Variants in TBC1D21 observed in about 807,000 individuals in gnomAD.
TBC1D21 encodes the protein TBC1 domain family member 21.
In TBC1D21, 38 loss-of-function variants were observed where a neutral mutation model predicts 46.0. The ratio of observed to expected loss-of-function variants is 0.83; its 90% CI spans 0.64 to 1.08. The LOEUF (loss-of-function observed/expected upper bound fraction) is 1.08. Ranked by LOEUF, TBC1D21 falls within the 50% of genes least tolerant of loss-of-function variation. TBC1D21 has a pLI of 0.00. For missense variants in TBC1D21, 415 were observed against 417.9 expected (o/e 0.99, Z 0.06); for synonymous variants, 151 against 157.2 (o/e 0.96, Z 0.29).
the TBC1D21 span, among the ~76,000 whole-genome samples, chr15:73,898,888 T>A: frequency 0.012 from 1,046 of 89,234 alleles, 12 homozygotes; most frequent in East Asian, 0.038. Flanking sequence ...AAAATATATA[T>A]ATATATATAT....
At chr15:73,894,737 C>A in the TBC1D21 span, among the ~76,000 whole-genome samples, 1 of 152,158 alleles carries the variant, frequency 6.6e-6, no homozygotes, top group Admixed American at 6.5e-5. Context: ...TCTTTCCTAT[C>A]CCTGCCCCTG....
At position 73,888,456 on chromosome 15, in the gene TBC1D21, T is replaced by A; in HGVS notation, c.921T>A (p.Asp307Glu). The stretch of plus-strand genomic sequence containing the variant: ...CCTGCAACAACCTCATCGACCTTGA[T>A]GCTGATGAGCTGATCTCTGCCGCCT... ...LLACNNLIDL[D>E]ADELISAACV... Residue 307 changes from aspartate (D) to glutamate (E), a missense_variant, in exon 10 of 11, where the codon GAT becomes GAA. Asp to Glu is a conservative substitution (Grantham distance 45). Transcript: ENST00000300504. The A allele has an allele frequency of 6.2e-7, 1 of 1,614,024 alleles. No homozygotes were observed. Among genetic ancestry groups the A allele is most frequent in the South Asian group, 1.1e-5 (1 of 90,980 alleles).
At position 73,884,250 on chromosome 15, in the gene TBC1D21, GC is replaced by G. The variant is rs771480053; in HGVS notation, c.367+6del. 4.3e-6 allele frequency: 7 copies of G among 1,613,900 alleles called. No homozygotes were observed. The highest frequency in any genetic ancestry group is 5.9e-6 in the Non-Finnish European group (7 of 1,179,726). On this transcript the variant is annotated splice_donor_region_variant and intron_variant, in intron 4 of 10. Transcript: ENST00000300504. The stretch of plus-strand genomic sequence containing the variant: ...CAGAGACTCGCAATAACATTGGTGA[GC>G]AAAGTGGGGTGGAGAGGGCTGGGCA...
chr15:73,885,973 C>A, intron 6 of TBC1D21, 105 bp from the exon 7 acceptor site: 3 of 867,842 alleles, frequency 3.5e-6, no homozygotes, highest in East Asian at 2.6e-5. Flanking sequence ...AGCGCACAGA[C>A]AGACACACAG....
intron 5 of TBC1D21, 41 bp from the exon 6 acceptor site, chr15:73,884,962 T>TA: frequency 6.3e-7 from 1 of 1,593,058 alleles, no homozygotes; most frequent in Non-Finnish European, 8.6e-7. Flanking sequence ...GTCCAGGCTC[T>TA]CCCACCCAGC....
chr15:73,900,847 A>T, the TBC1D21 span, among the ~76,000 whole-genome samples: 4 of 152,252 alleles, frequency 2.6e-5, no homozygotes, highest in African/African-American at 4.8e-5. Flanking sequence ...GACTCTGAGC[A>T]TTCATTGAAG....
At chr15:73,885,164 A>C in intron 6 of TBC1D21, 61 bp downstream of exon 6, 65 of 1,414,520 alleles carry the variant, frequency 4.6e-5, no homozygotes, top group Non-Finnish European at 5.6e-5. Context: ...TCCCCAAACA[A>C]CTCTTTGAGG....
At chr15:73,893,822 G>T (rs2141592587), downstream of TBC1D21, among the ~76,000 whole-genome samples, 1 of 152,274 alleles carries the variant, frequency 6.6e-6, no homozygotes, top group South Asian at 2.1e-4. Flanking sequence ...ACTAGGAAGG[G>T]CCTCCACTGC....
At position 73,884,897 on chromosome 15, in the gene TBC1D21, C is replaced by A; in HGVS notation, c.478+6C>A. Reference sequence around the variant, plus strand: ...CGTCTGCAACACGCAGGCAGGTGAGCCTCAGCCTCCCCTTGTCAATGCCCT... The same window carrying A: ...CGTCTGCAACACGCAGGCAGGTGAGACTCAGCCTCCCCTTGTCAATGCCCT... On this transcript the variant is annotated splice_donor_region_variant and intron_variant, in intron 5 of 10. Coordinates refer to ENST00000300504, the MANE Select transcript of TBC1D21 (RefSeq NM_153356.3). 6.2e-7 allele frequency: 1 copy of A among 1,612,888 alleles called. No homozygotes were observed. Among genetic ancestry groups the A allele is most frequent in the Non-Finnish European group, 8.5e-7 (1 of 1,178,934 alleles).
At chr15:73,888,653 C>T in intron 10 of TBC1D21, 140 bp downstream of exon 10, 1 of 688,250 alleles carries the variant, frequency 1.5e-6, no homozygotes, top group South Asian at 1.7e-5. Flanking sequence ...TCTTCCTCCT[C>T]CTCTTCTTCC....
chr15:73,889,223 G>C (rs1435507857), downstream of TBC1D21: 2 of 1,208,076 alleles, frequency 1.7e-6, no homozygotes, highest in Non-Finnish European at 2.4e-6. Flanking sequence ...AATGGTTTGT[G>C]GTGGATGCTA....
At chr15:73,898,863 C>CAAAAAAAAA in the TBC1D21 span, among the ~76,000 whole-genome samples, 39 of 24,106 alleles carry the variant, frequency 1.6e-3, 1 homozygote, top group East Asian at 9.9e-3. Flanking sequence ...GACTCCATCT[C>CAAAAAAAAA]AAAAAAAAAA....
chr15:73,885,231 G>A (rs1315666676), intron 6 of TBC1D21, 128 bp downstream of exon 6: 5 of 828,006 alleles, frequency 6.0e-6, no homozygotes, highest in Non-Finnish European at 9.7e-6. Context: ...TCTCAGAGGA[G>A]CCTGGGAGGG....
the TBC1D21 span, among the ~76,000 whole-genome samples, chr15:73,898,150 C>T: frequency 1.3e-5 from 2 of 152,248 alleles, no homozygotes; most frequent in Non-Finnish European, 1.5e-5. Flanking sequence ...CGGTCTCCAA[C>T]CCCTCACCAT....
chr15:73,895,511 G>T, the TBC1D21 span, among the ~76,000 whole-genome samples: 1 of 152,200 alleles, frequency 6.6e-6, no homozygotes, highest in African/African-American at 2.4e-5. Flanking sequence ...GCACATAAAA[G>T]AATTTCTTTA....
chr15:73,884,983 C>A lies in TBC1D21; in HGVS notation c.479-20C>A. Reference sequence around the variant, plus strand: ...GCTCTCCCACCCAGCCCCTCCTCCCCAACCCCCTCTTCGCCACAGAGTACC... The same window carrying A: ...GCTCTCCCACCCAGCCCCTCCTCCCAAACCCCCTCTTCGCCACAGAGTACC... On this transcript the variant is annotated intron_variant, in intron 5 of 10. Coordinates refer to ENST00000300504, the MANE Select transcript of TBC1D21 (RefSeq NM_153356.3). 1 of 1,610,832 alleles carries A rather than the reference C, an allele frequency of 6.2e-7. No homozygotes were observed. The highest frequency in any genetic ancestry group is 8.5e-7 in the Non-Finnish European group (1 of 1,177,234).
At chr15:73,884,959 C>A (rs758413959) in intron 5 of TBC1D21, 44 bp from the exon 6 acceptor site, 2 of 1,600,432 alleles carry the variant, frequency 1.2e-6, no homozygotes, top group South Asian at 1.1e-5. Flanking sequence ...AGGGTCCAGG[C>A]TCTCCCACCC....
downstream of TBC1D21, among the ~76,000 whole-genome samples, chr15:73,892,544 G>A (rs1336186151): frequency 6.6e-6 from 1 of 152,220 alleles, no homozygotes; most frequent in Non-Finnish European, 1.5e-5. Flanking sequence ...GATGCTGTTT[G>A]TGGTACTCCT....
chr15:73,909,759 C>A, the TBC1D21 span: 2 of 151,962 alleles, frequency 1.3e-5, no homozygotes, highest in South Asian at 2.1e-4. Context: ...CATGACATAA[C>A]CTCCAAGTTA....
Sources: allele counts gnomAD v4.1 joint callset (sites outside exome capture counted in the v4.1 genomes callset), GRCh38; gene constraint gnomAD v4.1.1; transcripts MANE v1.5; gene names NCBI Gene and HGNC (gene_info 2026-07-23, HGNC 2026-07-21).